The following SHROOM3 variants were observed in gnomAD, a reference collection of about 807,000 sequenced individuals.
SHROOM3 encodes the protein shroom family member 3, also known as protein Shroom3.
Under a neutral mutation model 138.6 loss-of-function variants are expected in SHROOM3, and 47 were observed. That is an observed-to-expected ratio of 0.34 (90% CI 0.27 to 0.43). The LOEUF is 0.43. Ranked by LOEUF, SHROOM3 falls within the 20% of genes least tolerant of loss-of-function variation. SHROOM3 has a pLI of 1.00. For synonymous variants in SHROOM3, 1,062 were observed against 1,063.3 expected (o/e 1.00, Z 0.02); for missense variants, 2,491 against 2,596.5 (o/e 0.96, Z 0.88).
chr4:76,551,270 C>G (rs1733347580), intron 1 of SHROOM3, among the ~76,000 whole-genome samples: 1 of 152,136 alleles, frequency 6.6e-6, no homozygotes, highest in Admixed American at 6.5e-5. Context: ...AACAATGAAA[C>G]TCTTTATGAC....
chr4:76,701,194 T>C (rs1719894118), intron 2 of SHROOM3, among the ~76,000 whole-genome samples: 1 of 152,194 alleles, frequency 6.6e-6, no homozygotes. Context: ...AGGGACTTCA[T>C]CATTTCTCTA....
intron 2 of SHROOM3, among the ~76,000 whole-genome samples, chr4:76,654,020 G>A (rs1256106024): frequency 6.6e-6 from 1 of 152,164 alleles, no homozygotes; most frequent in East Asian, 1.9e-4. Flanking sequence ...AATCAATGTG[G>A]TAAATGTAAC....
At chr4:76,465,905 C>T (rs1731240617) in intron 1 of SHROOM3, among the ~76,000 whole-genome samples, 1 of 152,216 alleles carries the variant, frequency 6.6e-6, no homozygotes, top group South Asian at 2.1e-4. Context: ...TTAGGTTTTC[C>T]TGTAGAAAAA....
intron 2 of SHROOM3, among the ~76,000 whole-genome samples, chr4:76,603,906 G>A (rs777788573): frequency 6.9e-6 from 1 of 144,738 alleles, no homozygotes; most frequent in African/African-American, 2.6e-5. Flanking sequence ...GCAGTGGCGC[G>A]ATCTCAGCTC....
chr4:76,541,690 T>A (rs917642457), intron 1 of SHROOM3, among the ~76,000 whole-genome samples: 2 of 151,722 alleles, frequency 1.3e-5, no homozygotes, highest in African/African-American at 4.8e-5. Context: ...AGAATAGGCA[T>A]TCTTATGGCC....
At chr4:76,602,313 C>T (rs898716530) in intron 2 of SHROOM3, among the ~76,000 whole-genome samples, 1 of 152,042 alleles carries the variant, frequency 6.6e-6, no homozygotes, top group African/African-American at 2.4e-5. Context: ...TCATCACCTA[C>T]AGGAAAAAGA....
rs1722744882 is a variant in SHROOM3 at position 76,781,937 on chromosome 4, T to A, written c.*2760T>A. ...ATAATTGTCTTTGTGGATGTGATAA[T>A]TTTGGAGATACACTTCTGGTCAGAA... On this transcript the variant is annotated 3_prime_UTR_variant, in exon 11 of 11. Transcript: ENST00000296043. 1 of 152,226 alleles carries A rather than the reference T, an allele frequency of 6.6e-6. No individual in the cohort carries two copies. Among genetic ancestry groups the A allele is most frequent in the African/African-American group, 2.4e-5 (1 of 41,460 alleles). The allele number at this position is 152,226 out of a possible 1,614,324, so 9.4% of individuals were successfully genotyped here.
intron 2 of SHROOM3, among the ~76,000 whole-genome samples, chr4:76,659,354 G>A (rs1022120989): frequency 2.6e-5 from 4 of 152,188 alleles, no homozygotes; most frequent in African/African-American, 7.2e-5. Flanking sequence ...CCATGACTGA[G>A]TTCTTTACTC....
chr4:76,620,004 G>A (rs1216440345), intron 2 of SHROOM3, among the ~76,000 whole-genome samples: 1 of 147,044 alleles, frequency 6.8e-6, no homozygotes, highest in Non-Finnish European at 1.5e-5. Context: ...GGGAGAGGCA[G>A]GAGTTGCAGT....
chr4:76,708,417 G>C (rs1720129196), intron 2 of SHROOM3, among the ~76,000 whole-genome samples: 1 of 151,732 alleles, frequency 6.6e-6, no homozygotes, highest in African/African-American at 2.4e-5. Flanking sequence ...CGAAAACTTT[G>C]GTTTACACAA....
intron 1 of SHROOM3, among the ~76,000 whole-genome samples, chr4:76,446,224 C>G (rs115716040): frequency 3.2e-4 from 49 of 152,000 alleles, no homozygotes; most frequent in African/African-American, 1.2e-3. Flanking sequence ...ACCTTTTTAA[C>G]TTTCAGCCTG....
intron 2 of SHROOM3, among the ~76,000 whole-genome samples, chr4:76,696,558 G>T (rs1719740913): frequency 6.6e-6 from 1 of 152,172 alleles, no homozygotes; most frequent in South Asian, 2.1e-4. Flanking sequence ...GTGGGTGATG[G>T]ACTGCTCACA....
chr4:76,657,634 TG>T (rs887663824), intron 2 of SHROOM3, among the ~76,000 whole-genome samples: 19 of 152,262 alleles, frequency 1.2e-4, no homozygotes, highest in Admixed American at 2.6e-4. Context: ...TGTTTGGGGG[TG>T]GGGGGGTCCC....
chr4:76,702,649 T>G (rs1044067437), intron 2 of SHROOM3, among the ~76,000 whole-genome samples: 5 of 152,154 alleles, frequency 3.3e-5, no homozygotes, highest in Non-Finnish European at 5.9e-5. Flanking sequence ...TGCTGCTTGT[T>G]GGAGTTGTCT....
intron 1 of SHROOM3, among the ~76,000 whole-genome samples, chr4:76,443,084 T>G (rs536955904): frequency 6.6e-6 from 1 of 152,354 alleles, no homozygotes; most frequent in African/African-American, 2.4e-5. Flanking sequence ...TCTGTTGAAT[T>G]GAATTAGATT....
chr4:76,585,544 A>G (rs1734135584), intron 2 of SHROOM3, among the ~76,000 whole-genome samples: 1 of 152,330 alleles, frequency 6.6e-6, no homozygotes, highest in African/African-American at 2.4e-5. Context: ...TCAGGGCCTC[A>G]GATGATAGAT....
intron 6 of SHROOM3, among the ~76,000 whole-genome samples, chr4:76,752,763 A>C (rs1213833040): frequency 6.6e-6 from 1 of 152,260 alleles, no homozygotes; most frequent in Non-Finnish European, 1.5e-5. Flanking sequence ...AAGGTCACAC[A>C]AACTAAAAAC....
At chr4:76,710,135 T>C (rs1720188489) in intron 2 of SHROOM3, 21 bp from the exon 3 acceptor site, 1 of 1,613,696 alleles carries the variant, frequency 6.2e-7, no homozygotes, top group Admixed American at 1.7e-5. Context: ...GCTCAGCTTC[T>C]TCTTTTCCTA....
chr4:76,547,088 C>T (rs1276261879), intron 1 of SHROOM3, among the ~76,000 whole-genome samples: 1 of 152,182 alleles, frequency 6.6e-6, no homozygotes, highest in African/African-American at 2.4e-5. Context: ...GCTGTTAAGC[C>T]TGTAAACCAC....
Sources: allele counts gnomAD v4.1 joint callset (sites outside exome capture counted in the v4.1 genomes callset), GRCh38; gene constraint gnomAD v4.1.1; transcripts MANE v1.5; gene names NCBI Gene and HGNC (gene_info 2026-07-23, HGNC 2026-07-21).